TNRC6C: variants seen among roughly 807,000 people sequenced by gnomAD.
TNRC6C encodes the protein trinucleotide repeat containing adaptor 6C.
A neutral mutation model predicts 153.7 loss-of-function variants in TNRC6C; 20 were observed. That is an observed-to-expected ratio of 0.13 (90% CI 0.09 to 0.19). TNRC6C has a LOEUF of 0.19. Among genes scored for constraint, TNRC6C ranks in the 10% least tolerant of loss-of-function variants. TNRC6C has a pLI of 1.00. For synonymous variants in TNRC6C, 811 were observed against 841.4 expected (o/e 0.96, Z 0.63); for missense variants, 1,987 against 2,172.0 (o/e 0.91, Z 1.69).
At chr17:78,076,891 TG>T in intron 8 of TNRC6C, among the ~76,000 whole-genome samples, 1 of 152,354 alleles carries the variant, frequency 6.6e-6, no homozygotes, top group Non-Finnish European at 1.5e-5. Context: ...GTAAAGTGCT[TG>T]TTGCCATCCT....
At chr17:78,008,182 G>A (rs1428996799) in intron 1 of TNRC6C, among the ~76,000 whole-genome samples, 2 of 152,142 alleles carry the variant, frequency 1.3e-5, no homozygotes, top group Non-Finnish European at 2.9e-5. Context: ...CCGAACTGAA[G>A]CTAACTGGAA....
intron 2 of TNRC6C, among the ~76,000 whole-genome samples, chr17:78,032,410 C>T (rs993979680): frequency 6.6e-6 from 1 of 152,206 alleles, no homozygotes; most frequent in Admixed American, 6.5e-5. Flanking sequence ...TTTCCAGCTG[C>T]CAAAATGCAG....
chr17:77,962,850 A>G (rs565202835), intron 1 of TNRC6C, among the ~76,000 whole-genome samples: 26 of 152,340 alleles, frequency 1.7e-4, no homozygotes, highest in African/African-American at 2.9e-4. Context: ...TTGCATGACA[A>G]CTGGTCCCAG....
chr17:77,992,391 A>T (rs1320985002), intron 1 of TNRC6C, among the ~76,000 whole-genome samples: 1 of 101,748 alleles, frequency 9.8e-6, no homozygotes, highest in Non-Finnish European at 1.8e-5. Flanking sequence ...CCAGCTACAC[A>T]GGAGGCTGAG....
chr17:78,086,798 AAGCC>A, intron 12 of TNRC6C, 51 bp from the exon 15 acceptor site: 1 of 1,595,438 alleles, frequency 6.3e-7, no homozygotes, highest in Non-Finnish European at 8.5e-7. Context: ...GTCCCTAGAC[AAGCC>A]ATGAGTGTCC....
intron 1 of TNRC6C, among the ~76,000 whole-genome samples, chr17:77,984,813 C>A (rs1166558503): frequency 6.6e-6 from 1 of 151,000 alleles, no homozygotes; most frequent in Non-Finnish European, 1.5e-5. Flanking sequence ...CCTCTGAGTT[C>A]TTAGCCTCTT....
chr17:78,089,661 G>A (rs954836280), intron 13 of TNRC6C, among the ~76,000 whole-genome samples: 6 of 151,474 alleles, frequency 4.0e-5, no homozygotes, highest in African/African-American at 7.3e-5. Flanking sequence ...GCATATAAAT[G>A]GGAAAAAATA....
In TNRC6C at chr17:78,104,737, C is replaced by T; in HGVS notation, c.4965C>T (p.Ser1655=). The T allele has an allele frequency of 9.9e-6, 15 of 1,522,500 alleles. No individual in the cohort carries two copies. Among genetic ancestry groups the T allele is most frequent in the Non-Finnish European group, 1.3e-5 (15 of 1,137,236 alleles). The allele number at this position is 1,522,500 out of a possible 1,614,324, so 94.3% of individuals were successfully genotyped here. A position where few individuals can be genotyped will look rare whatever the true frequency, so the allele number is the denominator to read the frequency against. ...TGTGGGGCGGGGTGCCCCAGTACTC[C>T]AGCAGCCTGTGGGGCCCGCCCAGCG... The change falls in exon 20 of 20, where the codon TCC becomes TCT. Residue 1655 remains serine (S), a synonymous_variant. Coordinates refer to ENST00000301624, the Ensembl canonical transcript of TNRC6C. This position sits in a 1 kb window ranked among gnomAD's most constrained non-coding sequence, Gnocchi z 6.2.
chr17:77,995,181 G>A (rs2071309610), intron 1 of TNRC6C, among the ~76,000 whole-genome samples: 1 of 152,232 alleles, frequency 6.6e-6, no homozygotes, highest in South Asian at 2.1e-4. Flanking sequence ...GGAACATCCA[G>A]TGAGAGATCA....
Position 78,104,949 on chromosome 17 carries a change from G to A in TNRC6C, c.*104G>A. 7.4e-7 allele frequency: 1 copy of A among 1,358,240 alleles called. No individual in the cohort carries two copies. The highest frequency in any genetic ancestry group is 9.5e-7 in the Non-Finnish European group (1 of 1,056,556). The allele number at this position is 1,358,240 out of a possible 1,614,324, so 84.1% of individuals were successfully genotyped here. A position where few individuals can be genotyped will look rare whatever the true frequency, so the allele number is the denominator to read the frequency against. On this transcript the variant is annotated 3_prime_UTR_variant, in exon 20 of 20. Coordinates refer to ENST00000301624, the Ensembl canonical transcript of TNRC6C. This position sits in a 1 kb window ranked among gnomAD's most constrained non-coding sequence, Gnocchi z 6.2. ...AACCCAGCAGCGGCCGCCCTTTTGAGTACCTCTGTCCAGGACTGAAGACGA... is the reference window on the plus strand; with the variant it reads ...AACCCAGCAGCGGCCGCCCTTTTGAATACCTCTGTCCAGGACTGAAGACGA...
intron 10 of TNRC6C, among the ~76,000 whole-genome samples, chr17:78,080,611 G>A (rs2073162353): frequency 6.6e-6 from 1 of 152,144 alleles, no homozygotes; most frequent in African/African-American, 2.4e-5. Flanking sequence ...TAATTACAGT[G>A]TTAGTTCTTA....
intron 1 of TNRC6C, among the ~76,000 whole-genome samples, chr17:77,976,931 GAAAAAAAAAAAA>G (rs57726847): frequency 4.5e-4 from 21 of 46,586 alleles, no homozygotes; most frequent in African/African-American, 7.5e-4. Context: ...CTCCATCTCA[GAAAAAAAAAAAA>G]AAAAAAAAAA....
rs919218818 is a variant in TNRC6C, at chr17:78,050,963, C to T, written c.1901C>T (p.Thr634Met). The change falls in exon 3 of 20, where the codon ACG becomes ATG. Residue 634 changes from threonine to methionine, a missense_variant. By Grantham distance (81) the Thr-to-Met change is moderately conservative. Coordinates refer to ENST00000301624, the Ensembl canonical transcript of TNRC6C. Reference sequence around the variant, plus strand: ...TCAGGGTCTGGTTGGAATGACACCACGAGATCTGGGAACAGTGGCTGGGGC... The same window carrying T: ...TCAGGGTCTGGTTGGAATGACACCATGAGATCTGGGAACAGTGGCTGGGGC... 5.0e-6 allele frequency: 8 copies of T among 1,613,792 alleles called. No homozygotes were observed. Among genetic ancestry groups the T allele is most frequent in the East Asian group, 2.2e-5 (1 of 44,902 alleles).
intron 1 of TNRC6C, among the ~76,000 whole-genome samples, chr17:77,988,227 A>G (rs1442838395): frequency 2.0e-5 from 3 of 152,158 alleles, no homozygotes; most frequent in Non-Finnish European, 4.4e-5. Context: ...TTAAAAAACT[A>G]AAAAACTTAG....
intron 1 of TNRC6C, among the ~76,000 whole-genome samples, chr17:77,978,035 A>G (rs1452912082): frequency 1.3e-5 from 2 of 151,556 alleles, no homozygotes; most frequent in African/African-American, 4.9e-5. Flanking sequence ...AGCTGGGACT[A>G]CAGGCGCCCG....
At chr17:78,093,183 C>T in intron 15 of TNRC6C, 59 bp downstream of exon 17, 6 of 1,549,152 alleles carry the variant, frequency 3.9e-6, no homozygotes, top group Non-Finnish European at 4.4e-6. Flanking sequence ...TCCAAGCCTG[C>T]AGAGAGTGAT....
chr17:78,073,013 T>G (rs1432117282), intron 6 of TNRC6C, 24 bp from the exon 9 acceptor site: 1 of 1,541,912 alleles, frequency 6.5e-7, no homozygotes, highest in Non-Finnish European at 8.8e-7. Context: ...TGTGCACTAA[T>G]GAAAACTCTG....
exon 3 of TNRC6C, chr17:78,048,882 T>C: frequency 8.0e-7 from 1 of 1,245,300 alleles, no homozygotes; most frequent in Non-Finnish European, 1.0e-6. Flanking sequence ...ATTATGAAAA[T>C]TCCCACTGGG....
intron 1 of TNRC6C, among the ~76,000 whole-genome samples, chr17:78,006,595 TCTTCCTC>T (rs1567911099): frequency 4.7e-5 from 7 of 147,448 alleles, no homozygotes; most frequent in African/African-American, 1.0e-4. Context: ...CCTTCTTCCT[TCTTCCTC>T]CTTCTTCCTT....
Sources: gnomAD v4.1 joint callset for allele counts (sites outside exome capture counted in the v4.1 genomes callset) on GRCh38, gnomAD v4.1.1 for gene constraint, Gnocchi (gnomAD v3.1) non-coding constraint, MANE v1.5 for transcripts, NCBI Gene and HGNC (gene_info 2026-07-23, HGNC 2026-07-21) for gene names.